Variants in FHIT observed in about 807,000 individuals in gnomAD.
FHIT encodes fragile histidine triad diadenosine triphosphatase, also known as bis(5'-adenosyl)-triphosphatase.
In FHIT, 19 loss-of-function variants were observed where a neutral mutation model predicts 17.9. That is an observed-to-expected ratio of 1.06 (90% CI 0.74 to 1.56). The LOEUF is 1.56. Ranked by LOEUF, FHIT falls within the 40% of genes most tolerant of loss-of-function variation. FHIT has a pLI of 0.00. For missense variants in FHIT, 248 were observed against 189.2 expected, an observed-to-expected ratio of 1.31 and a Z score of -1.82; for synonymous variants, 81 against 69.7, an observed-to-expected ratio of 1.16 and a Z score of -0.81.
At chr3:59,817,078 G>A (rs927644448) in intron 8 of FHIT, among the ~76,000 whole-genome samples, 6 of 152,196 alleles carry the variant, frequency 3.9e-5, no homozygotes, top group African/African-American at 7.2e-5. Flanking sequence ...GCTCTCCGCA[G>A]ACCCCAGCGT....
At chr3:61,221,628 A>G (rs2039841187) in intron 1 of FHIT, among the ~76,000 whole-genome samples, 1 of 152,232 alleles carries the variant, frequency 6.6e-6, no homozygotes, top group South Asian at 2.1e-4. Context: ...AGTGACTGTC[A>G]GTACCTTACC....
At chr3:59,957,064 G>A (rs1026666215) in intron 7 of FHIT, among the ~76,000 whole-genome samples, 5 of 152,230 alleles carry the variant, frequency 3.3e-5, no homozygotes, top group Non-Finnish European at 5.9e-5. Context: ...AAACCTGGCA[G>A]AGGAGCTGAG....
chr3:60,927,688 T>G (rs1310833491), intron 3 of FHIT, among the ~76,000 whole-genome samples: 2 of 146,464 alleles, frequency 1.4e-5, no homozygotes, highest in African/African-American at 5.2e-5. Flanking sequence ...GTCTGGGAGG[T>G]GGGGAGCACC....
At chr3:60,610,469 A>G (rs2038751262) in intron 4 of FHIT, among the ~76,000 whole-genome samples, 1 of 152,314 alleles carries the variant, frequency 6.6e-6, no homozygotes, top group South Asian at 2.1e-4. Flanking sequence ...CAGAGAATGA[A>G]GCATACCAGC....
chr3:60,024,701 G>T (rs1054200742), intron 5 of FHIT, among the ~76,000 whole-genome samples: 4 of 152,196 alleles, frequency 2.6e-5, no homozygotes, highest in African/African-American at 9.6e-5. Context: ...GTGCAAGAAT[G>T]CAAGGGCAAG....
At chr3:60,576,006 G>A (rs1337087162) in intron 4 of FHIT, among the ~76,000 whole-genome samples, 2 of 152,054 alleles carry the variant, frequency 1.3e-5, no homozygotes, top group Non-Finnish European at 2.9e-5. Context: ...AAATAAAGGA[G>A]GGAATGAGTA....
intron 4 of FHIT, among the ~76,000 whole-genome samples, chr3:60,552,692 C>G (rs2036600766): frequency 6.6e-6 from 1 of 152,186 alleles, no homozygotes; most frequent in Non-Finnish European, 1.5e-5. Flanking sequence ...ATACCTACTC[C>G]CTCTTCTGCT....
intron 2 of FHIT, among the ~76,000 whole-genome samples, chr3:61,168,763 T>C (rs2037913354): frequency 6.6e-6 from 1 of 152,244 alleles, no homozygotes; most frequent in African/African-American, 2.4e-5. Flanking sequence ...CGCTCAATTA[T>C]GAAAATGAAT....
intron 5 of FHIT, among the ~76,000 whole-genome samples, chr3:60,490,913 G>A (rs923785855): frequency 7.2e-5 from 11 of 152,100 alleles, no homozygotes; most frequent in African/African-American, 2.4e-4. Flanking sequence ...CCCTAACTAA[G>A]GCAGTCTGGT....
At chr3:60,060,477 T>C (rs1413149699) in intron 5 of FHIT, among the ~76,000 whole-genome samples, 1 of 152,246 alleles carries the variant, frequency 6.6e-6, no homozygotes, top group African/African-American at 2.4e-5. Flanking sequence ...GTTTATGTAA[T>C]GATTAATCCT....
At chr3:60,993,313 C>A (rs376262940) in intron 3 of FHIT, among the ~76,000 whole-genome samples, 31 of 152,298 alleles carry the variant, frequency 2.0e-4, no homozygotes, top group African/African-American at 7.2e-4. Context: ...CAGTTACTAG[C>A]GCATCGAACA....
intron 5 of FHIT, among the ~76,000 whole-genome samples, chr3:60,501,341 ATT>A (rs1559495938): frequency 6.6e-6 from 1 of 152,152 alleles, no homozygotes; most frequent in East Asian, 1.9e-4. Flanking sequence ...TTAAACAGTA[ATT>A]TGAGTCACAG....
chr3:59,918,955 T>C (rs988149264), intron 8 of FHIT, among the ~76,000 whole-genome samples: 4 of 151,958 alleles, frequency 2.6e-5, no homozygotes, highest in Non-Finnish European at 5.9e-5. Flanking sequence ...AGGCTGGGAA[T>C]GAGAAAAAAA....
intron 5 of FHIT, among the ~76,000 whole-genome samples, chr3:60,081,073 T>C (rs1052003769): frequency 4.0e-5 from 6 of 151,860 alleles, no homozygotes; most frequent in Middle Eastern, 3.4e-3. Flanking sequence ...GAGAGAGAAA[T>C]AGACAGGGAG....
At chr3:60,724,281 G>T (rs1049806585) in intron 4 of FHIT, among the ~76,000 whole-genome samples, 6 of 152,120 alleles carry the variant, frequency 3.9e-5, no homozygotes, top group African/African-American at 9.7e-5. Flanking sequence ...TGTTTTCAAG[G>T]TTCCTCCATG....
intron 3 of FHIT, among the ~76,000 whole-genome samples, chr3:60,828,915 G>T (rs1188567671): frequency 1.3e-5 from 2 of 151,880 alleles, no homozygotes; most frequent in African/African-American, 4.8e-5. Context: ...CAAAGGAGCA[G>T]ATCACTCTAA....
At chr3:60,993,652 A>T (rs1488819110) in intron 3 of FHIT, among the ~76,000 whole-genome samples, 1 of 152,266 alleles carries the variant, frequency 6.6e-6, no homozygotes, top group African/African-American at 2.4e-5. Context: ...CACTAAAAGC[A>T]GGAAAGATAT....
At chr3:59,757,484 A>G (rs1701279798) in intron 8 of FHIT, among the ~76,000 whole-genome samples, 1 of 151,658 alleles carries the variant, frequency 6.6e-6, no homozygotes, top group African/African-American at 2.4e-5. Context: ...TATATGGGGT[A>G]ATGATGAATT....
chr3:60,469,761 G>T (rs963774018), intron 5 of FHIT, among the ~76,000 whole-genome samples: 7 of 152,096 alleles, frequency 4.6e-5, no homozygotes, highest in African/African-American at 1.7e-4. Context: ...AGTCTTTTCA[G>T]TCTGGGCTTG....
Sources: gnomAD v4.1 joint callset for allele counts (sites outside exome capture counted in the v4.1 genomes callset) on GRCh38, gnomAD v4.1.1 for gene constraint, MANE v1.5 for transcripts, NCBI Gene and HGNC (gene_info 2026-07-23, HGNC 2026-07-21) for gene names.